Variants in ZDHHC21 observed in about 807,000 individuals in gnomAD.
ZDHHC21 encodes palmitoyltransferase ZDHHC21.
Under a neutral mutation model 34.6 loss-of-function variants are expected in ZDHHC21, and 15 were observed. That is an observed-to-expected ratio of 0.43 (90% CI 0.29 to 0.67). The LOEUF is 0.67. ZDHHC21 is among the 30% of genes least tolerant of loss of function. ZDHHC21 has a pLI of 0.14. For synonymous variants in ZDHHC21, 142 were observed against 101.8 expected, an observed-to-expected ratio of 1.40 and a Z score of -2.38; for missense variants, 344 against 327.7, an observed-to-expected ratio of 1.05 and a Z score of -0.38.
chr9:14,636,966 C>A (rs982099009), intron 8 of ZDHHC21, among the ~76,000 whole-genome samples: 3 of 151,734 alleles, frequency 2.0e-5, no homozygotes, highest in Admixed American at 6.6e-5. Context: ...AGATTTCAAG[C>A]AAATAGTCTA....
intron 5 of ZDHHC21, 123 bp downstream of exon 5, chr9:14,672,707 A>G: frequency 1.6e-6 from 1 of 641,366 alleles, no homozygotes; most frequent in South Asian, 3.6e-5. Context: ...GACACATACA[A>G]GCAAAGACAT....
chr9:14,635,634 T>C (rs1333236152), intron 8 of ZDHHC21, among the ~76,000 whole-genome samples: 1 of 152,210 alleles, frequency 6.6e-6, no homozygotes, highest in Non-Finnish European at 1.5e-5. Flanking sequence ...AGCAAAAGCT[T>C]TGGGACTTTA....
chr9:14,674,212 T>A lies in ZDHHC21; in HGVS notation c.129A>T (p.Gly43=). Residue 43 remains glycine, a synonymous_variant, in exon 4 of 10, where the codon GGA becomes GGT. Transcript: ENST00000380916. ...KIVLFPHYEE[G]HIPGILIIIF... ...TTATTATTAATATGCCTGGAATATG[T>A]CCTTCTTCATAGTGAGGAAAGAGGA... 1 of 1,547,990 alleles carries A rather than the reference T, an allele frequency of 6.5e-7. No homozygotes were observed. The highest frequency in any genetic ancestry group is 8.7e-7 in the Non-Finnish European group (1 of 1,153,630).
At chr9:14,597,256 C>T in the ZDHHC21 span, among the ~76,000 whole-genome samples, 1 of 152,242 alleles carries the variant, frequency 6.6e-6, no homozygotes, top group Middle Eastern at 3.4e-3. Flanking sequence ...CCCTCTCTAT[C>T]TCCACGTCCC....
At chr9:14,647,173 T>C (rs1477458270) in intron 7 of ZDHHC21, among the ~76,000 whole-genome samples, 1 of 152,060 alleles carries the variant, frequency 6.6e-6, no homozygotes, top group African/African-American at 2.4e-5. Context: ...AGAGGGTCAC[T>C]CTCATGAAAT....
intron 8 of ZDHHC21, among the ~76,000 whole-genome samples, chr9:14,634,068 G>C (rs1487546346): frequency 6.6e-6 from 1 of 152,124 alleles, no homozygotes; most frequent in Non-Finnish European, 1.5e-5. Flanking sequence ...ACACTGTCCA[G>C]GAGCCTGGGG....
At chr9:14,692,006 T>G (rs1839228082) in intron 1 of ZDHHC21, among the ~76,000 whole-genome samples, 1 of 152,188 alleles carries the variant, frequency 6.6e-6, no homozygotes, top group Non-Finnish European at 1.5e-5. Context: ...AGCTGGATAG[T>G]GACAGAAATG....
At chr9:14,657,726 T>C (rs752247481) in intron 7 of ZDHHC21, among the ~76,000 whole-genome samples, 13 of 152,202 alleles carry the variant, frequency 8.5e-5, no homozygotes, top group Non-Finnish European at 1.8e-4. Context: ...TGCACTATAC[T>C]ACAATGCATT....
chr9:14,680,532 G>T (rs146615919), intron 2 of ZDHHC21, among the ~76,000 whole-genome samples: 8 of 152,178 alleles, frequency 5.3e-5, no homozygotes, highest in African/African-American at 1.7e-4. Context: ...TTCATAAACA[G>T]CTTAAAATGG....
intron 1 of ZDHHC21, 103 bp downstream of exon 1, chr9:14,693,126 G>T: frequency 4.7e-6 from 1 of 212,698 alleles, no homozygotes; most frequent in South Asian, 5.0e-5. Context: ...GAGGAGCGGC[G>T]GGCGGGCCCG....
At chr9:14,671,632 G>C (rs934527757) in intron 5 of ZDHHC21, among the ~76,000 whole-genome samples, 6 of 151,978 alleles carry the variant, frequency 3.9e-5, no homozygotes, top group African/African-American at 1.2e-4. Context: ...AATTTCCACT[G>C]TAATGCTATG....
At chr9:14,664,399 G>C (rs896879025) in intron 5 of ZDHHC21, among the ~76,000 whole-genome samples, 1 of 151,082 alleles carries the variant, frequency 6.6e-6, no homozygotes, top group Non-Finnish European at 1.5e-5. Flanking sequence ...AGCAGTCTGA[G>C]ATCAAACTGC....
At chr9:14,638,773 C>T (rs1244941780) in intron 8 of ZDHHC21, among the ~76,000 whole-genome samples, 1 of 151,866 alleles carries the variant, frequency 6.6e-6, no homozygotes, top group Non-Finnish European at 1.5e-5. Flanking sequence ...AAAGTACCAT[C>T]ATTAATCAAC....
chr9:14,667,331 C>T (rs1834639118), intron 5 of ZDHHC21, among the ~76,000 whole-genome samples: 1 of 150,450 alleles, frequency 6.6e-6, no homozygotes. Context: ...AGACGAATAA[C>T]AGGAGCTGAA....
chr9:14,619,365 G>C (rs556180615), intron 9 of ZDHHC21, among the ~76,000 whole-genome samples: 1 of 152,230 alleles, frequency 6.6e-6, no homozygotes, highest in Non-Finnish European at 1.5e-5. Context: ...CAACAACACA[G>C]TAGCAAATCT....
At chr9:14,603,957 T>A in the ZDHHC21 span, among the ~76,000 whole-genome samples, 2,844 of 152,302 alleles carry the variant, frequency 0.019, 36 homozygotes, top group Middle Eastern at 0.051. Flanking sequence ...ATTGAGTTAT[T>A]AGAGTCATGT....
intron 7 of ZDHHC21, among the ~76,000 whole-genome samples, chr9:14,654,902 C>G (rs7853156): frequency 6.6e-6 from 1 of 151,750 alleles, no homozygotes; most frequent in South Asian, 2.1e-4. Flanking sequence ...TAAGTAGAAT[C>G]CCAGAACTGC....
intron 8 of ZDHHC21, among the ~76,000 whole-genome samples, chr9:14,634,291 C>T (rs574567176): frequency 1.3e-5 from 2 of 152,322 alleles, no homozygotes; most frequent in South Asian, 2.1e-4. Flanking sequence ...AATACTATTG[C>T]CATTACCCAC....
the ZDHHC21 span, among the ~76,000 whole-genome samples, chr9:14,604,257 A>T: frequency 6.6e-6 from 1 of 152,298 alleles, no homozygotes; most frequent in African/African-American, 2.4e-5. Flanking sequence ...CTCTTTGAAC[A>T]AGTTAATAAC....
Sources: allele counts gnomAD v4.1 joint callset (sites outside exome capture counted in the v4.1 genomes callset), GRCh38; gene constraint gnomAD v4.1.1; transcripts MANE v1.5; gene names NCBI Gene and HGNC (gene_info 2026-07-23, HGNC 2026-07-21).